HACL1: variants seen among roughly 807,000 people sequenced by gnomAD.
HACL1 encodes 2-hydroxyacyl-CoA lyase 1.
A neutral mutation model predicts 74.2 loss-of-function variants in HACL1; 64 were observed. The ratio of observed to expected loss-of-function variants is 0.86; its 90% CI spans 0.70 to 1.06. The LOEUF is 1.06. Among genes scored for constraint, HACL1 ranks in the 50% least tolerant of loss-of-function variants. The probability of loss-of-function intolerance (pLI) is 0.00; values close to 1 mark genes in which losing one functional copy is unlikely to be tolerated. For missense variants in HACL1, 728 were observed against 719.7 expected, an observed-to-expected ratio of 1.01 and a Z score of -0.13; for synonymous variants, 230 against 238.8, an observed-to-expected ratio of 0.96 and a Z score of 0.34.
intron 5 of HACL1, among the ~76,000 whole-genome samples, chr3:15,588,804 A>ATTTTTTTTTTTTTTTTTTTTTTTT (rs1553644278): frequency 6.0e-5 from 9 of 149,534 alleles, no homozygotes; most frequent in Non-Finnish European, 7.5e-5. Flanking sequence ...GTTTCTTTTA[A>ATTTTTTTTTTTTTTTTTTTTTTTT]TTTTGACATG....
At chr3:15,583,174 A>AT (rs1366933195) in intron 7 of HACL1, among the ~76,000 whole-genome samples, 185 bp from the exon 8 acceptor site, 1 of 152,182 alleles carries the variant, frequency 6.6e-6, no homozygotes, top group African/African-American at 2.4e-5. Flanking sequence ...ACATGCATTT[A>AT]TTTTTCATGA....
intron 5 of HACL1, among the ~76,000 whole-genome samples, chr3:15,587,116 A>G (rs1012064150): frequency 1.3e-5 from 2 of 152,248 alleles, no homozygotes; most frequent in East Asian, 1.9e-4. Flanking sequence ...ACTGTTTAAT[A>G]TATCTTGAGG....
chr3:15,561,029 G>A (rs2063337655), intron 16 of HACL1, 132 bp from the exon 17 acceptor site: 1 of 711,216 alleles, frequency 1.4e-6, no homozygotes, highest in East Asian at 2.6e-5. Context: ...CTTTGTTCTG[G>A]TGCTTTTCCC....
intron 11 of HACL1, 54 bp from the exon 12 acceptor site, chr3:15,571,823 T>C (rs1408470164): frequency 2.3e-6 from 1 of 435,504 alleles, no homozygotes; most frequent in African/African-American, 2.3e-5. Flanking sequence ...TCTTTGCCTT[T>C]TTTTTCTTTT....
intron 11 of HACL1, among the ~76,000 whole-genome samples, chr3:15,572,139 C>T (rs533137636): frequency 6.6e-6 from 1 of 152,216 alleles, no homozygotes; most frequent in South Asian, 2.1e-4. Context: ...CATGCCCAGT[C>T]TGCTTTTTAA....
At chr3:15,572,913 A>G (rs2063560961) in intron 11 of HACL1, among the ~76,000 whole-genome samples, 1 of 152,240 alleles carries the variant, frequency 6.6e-6, no homozygotes, top group Non-Finnish European at 1.5e-5. Flanking sequence ...CTGTTTGCCT[A>G]CTGAAAGATG....
rs776800079 is a variant in HACL1 at position 15,585,320 on chromosome 3, C to T, written c.482G>A (p.Gly161Asp). The T allele has an allele frequency of 1.2e-6, 2 of 1,600,142 alleles. No individual in the cohort carries two copies. Among genetic ancestry groups the T allele is most frequent in the African/African-American group, 2.7e-5 (2 of 74,634 alleles). ...GTCAACATAGCAAGCACCTGGACGA[C>T]CATAGATACTGCTTCTCACTGCCTA... ...IEKAVRSSIYGRPGACYVDIP... is the reference protein window; with the variant it reads ...IEKAVRSSIYDRPGACYVDIP... The change falls in exon 7 of 17, where the codon GGT becomes GAT. Residue 161 changes from glycine to aspartate, a missense_variant. Gly to Asp is a moderately conservative substitution (Grantham distance 94). Coordinates refer to ENST00000321169, the MANE Select transcript of HACL1 (RefSeq NM_012260.4).
chr3:15,587,789 T>C (rs2055563), intron 5 of HACL1, among the ~76,000 whole-genome samples: 6,896 of 152,274 alleles, frequency 0.045, 479 homozygotes, highest in African/African-American at 0.15. Context: ...TTGCATTAAC[T>C]TATACTAGAG....
intron 11 of HACL1, among the ~76,000 whole-genome samples, chr3:15,572,576 T>C (rs1339389501): frequency 6.6e-6 from 1 of 152,238 alleles, no homozygotes; most frequent in Non-Finnish European, 1.5e-5. Flanking sequence ...AGTGATTTAA[T>C]ATGTGATTCA....
chr3:15,581,292 T>A (rs1366800871), intron 8 of HACL1, among the ~76,000 whole-genome samples: 3 of 152,228 alleles, frequency 2.0e-5, no homozygotes, highest in Admixed American at 1.3e-4. Flanking sequence ...ATTGTTCAAA[T>A]GTTCCATTTC....
intron 5 of HACL1, among the ~76,000 whole-genome samples, chr3:15,587,957 G>A (rs116190049): frequency 0.045 from 6,845 of 151,698 alleles, 304 homozygotes; most frequent in Admixed American, 0.13. Context: ...ACAGTGGTAC[G>A]ATCTCGGCTC....
chr3:15,596,161 C>T (rs970565848), intron 3 of HACL1: 25 of 492,994 alleles, frequency 5.1e-5, no homozygotes, highest in Non-Finnish European at 6.2e-5. Flanking sequence ...ATCTGATCAC[C>T]AGTGATTCAC....
rs752003117 is a variant in HACL1, at chr3:15,563,358, C to T, written c.1704G>A (p.Gln568=). The T allele has an allele frequency of 3.1e-6, 5 of 1,608,940 alleles. No homozygotes were observed. Among genetic ancestry groups the T allele is most frequent in the South Asian group, 1.1e-5 (1 of 90,668 alleles). Residue 568 remains glutamine (Q), a splice_region_variant and synonymous_variant, in exon 16 of 17, where the codon CAG becomes CAA. Coordinates refer to ENST00000321169, the MANE Select transcript of HACL1 (RefSeq NM_012260.4). ...MIEPQATRKA[Q]DFHWLTRSNM is the part of the protein sequence containing the mutation. ...CTTTCTGCTTAGCAACTGTATTTAC[C>T]TGGGCCTTCCGTGTGGCTTGTGGCT...
At chr3:15,583,693 T>C (rs2063748359) in intron 7 of HACL1, among the ~76,000 whole-genome samples, 1 of 143,616 alleles carries the variant, frequency 7.0e-6, no homozygotes. Context: ...AGTCTTACTC[T>C]GTCACCCAGG....
intron 11 of HACL1, among the ~76,000 whole-genome samples, 172 bp downstream of exon 11, chr3:15,572,987 T>G (rs528987061): frequency 6.5e-4 from 99 of 152,336 alleles, no homozygotes; most frequent in African/African-American, 2.3e-3. Flanking sequence ...GTACCAGAAG[T>G]TGGACTTAAC....
At chr3:15,589,162 T>G (rs2063847181) in intron 5 of HACL1, among the ~76,000 whole-genome samples, 1 of 152,182 alleles carries the variant, frequency 6.6e-6, no homozygotes, top group African/African-American at 2.4e-5. Context: ...ATATCTTCTC[T>G]CTACCTCTTA....
intron 3 of HACL1, among the ~76,000 whole-genome samples, chr3:15,594,430 T>C (rs891721402): frequency 2.0e-5 from 3 of 152,144 alleles, no homozygotes; most frequent in African/African-American, 7.2e-5. Context: ...ACTTGAATGT[T>C]TTACCCTTCA....
intron 16 of HACL1, among the ~76,000 whole-genome samples, chr3:15,561,907 C>T (rs750970659): frequency 1.3e-5 from 2 of 152,158 alleles, no homozygotes; most frequent in Admixed American, 6.5e-5. Flanking sequence ...CTCAAACTCT[C>T]AGCCTCAAGT....
intron 8 of HACL1, among the ~76,000 whole-genome samples, chr3:15,581,898 ACT>A (rs1223858440): frequency 1.3e-5 from 2 of 152,230 alleles, no homozygotes; most frequent in African/African-American, 4.8e-5. Context: ...ACTAGCATCC[ACT>A]GAGTGCTTTC....
Sources: allele counts gnomAD v4.1 joint callset (sites outside exome capture counted in the v4.1 genomes callset), GRCh38; gene constraint gnomAD v4.1.1; transcripts MANE v1.5; gene names NCBI Gene and HGNC (gene_info 2026-07-23, HGNC 2026-07-21).